LMO1: variants seen among roughly 807,000 people sequenced by gnomAD.
The protein encoded by LMO1 is LIM domain only 1.
LMO1 carries 10 observed loss-of-function variants against 18.0 expected under a neutral mutation model. The observed-to-expected ratio is 0.55, with a 90% confidence interval of 0.34 to 0.94. The LOEUF is 0.94. LMO1 is among the 40% of genes least tolerant of loss of function. The pLI, the probability that LMO1 is intolerant of heterozygous loss-of-function variation, is 0.02. For synonymous variants in LMO1, 77 were observed against 77.9 expected (o/e 0.99, Z 0.06); for missense variants, 183 against 205.7 (o/e 0.89, Z 0.68).
At chr11:8,235,907 CAT>C (rs1183953689) in intron 1 of LMO1, among the ~76,000 whole-genome samples, 1 of 152,246 alleles carries the variant, frequency 6.6e-6, no homozygotes, top group African/African-American at 2.4e-5. Context: ...CTCCTCAACA[CAT>C]GAGACAGGAT....
chr11:8,245,308 C>T (rs1465937807), intron 1 of LMO1, among the ~76,000 whole-genome samples: 6 of 152,136 alleles, frequency 3.9e-5, no homozygotes, highest in Admixed American at 3.9e-4. Context: ...CTCTGGTGAG[C>T]CTGGGTTCAA....
At chr11:8,258,356 C>T (rs1590563087) in intron 1 of LMO1, among the ~76,000 whole-genome samples, 1 of 152,320 alleles carries the variant, frequency 6.6e-6, no homozygotes, top group Non-Finnish European at 1.5e-5. Flanking sequence ...CTCTAGACCC[C>T]AACGTGGCTC....
At chr11:8,236,321 G>A (rs917021558) in intron 1 of LMO1, among the ~76,000 whole-genome samples, 3 of 151,738 alleles carry the variant, frequency 2.0e-5, no homozygotes, top group Non-Finnish European at 4.4e-5. Flanking sequence ...CTCCTGCATC[G>A]GTGGGACCAC....
Position 8,263,642 on chromosome 11 carries a change from G to C in LMO1, c.-280C>G. 1.5e-6 allele frequency: 2 copies of C among 1,336,874 alleles called. No individual in the cohort carries two copies. Among genetic ancestry groups the C allele is most frequent in the Non-Finnish European group, 1.9e-6 (2 of 1,048,284 alleles). 82.8% of individuals were successfully genotyped at this position (1,336,874 alleles called of 1,614,324 possible). A position where few individuals can be genotyped will look rare whatever the true frequency, so the allele number is the denominator to read the frequency against. On this transcript the variant is annotated 5_prime_UTR_variant, in exon 1 of 4. Transcript: ENST00000335790. ...GGAGAGGGAGAGAGAAGGGGGAAAA[G>C]AGGATCAGAGCCGTTTCTTTGATTC...
chr11:8,253,251 CA>C (rs1325971558), intron 1 of LMO1, among the ~76,000 whole-genome samples: 3 of 152,210 alleles, frequency 2.0e-5, no homozygotes, highest in Non-Finnish European at 4.4e-5. Context: ...CTGGGAACTC[CA>C]GGCCTGTCTG....
intron 1 of LMO1, among the ~76,000 whole-genome samples, chr11:8,250,621 C>A (rs781209907): frequency 2.6e-5 from 4 of 152,250 alleles, no homozygotes; most frequent in Non-Finnish European, 5.9e-5. Context: ...CAAGAAGATG[C>A]CTCACAGATG....
upstream of LMO1, among the ~76,000 whole-genome samples, chr11:8,266,751 C>T (rs373437908): frequency 7.9e-5 from 12 of 152,226 alleles, no homozygotes; most frequent in African/African-American, 2.9e-4. Context: ...GGGCCCAGGC[C>T]GACTAGATAT....
chr11:8,246,288 C>T (rs1013598682), intron 1 of LMO1, among the ~76,000 whole-genome samples: 1 of 152,124 alleles, frequency 6.6e-6, no homozygotes, highest in African/African-American at 2.4e-5. Context: ...CAGAAACAAC[C>T]CAAATGTCCA....
chr11:8,243,580 G>A (rs1354936366), intron 1 of LMO1, among the ~76,000 whole-genome samples: 1 of 152,218 alleles, frequency 6.6e-6, no homozygotes, highest in Non-Finnish European at 1.5e-5. Flanking sequence ...GGGCAAGCTG[G>A]TATGGCCGCA....
At chr11:8,264,720 C>T (rs1356370883), upstream of LMO1, among the ~76,000 whole-genome samples, 3 of 151,712 alleles carry the variant, frequency 2.0e-5, no homozygotes, top group South Asian at 2.1e-4. Flanking sequence ...CAAGCTCCGG[C>T]TCCCAGGTTC....
chr11:8,235,296 C>T (rs577368504), intron 1 of LMO1, among the ~76,000 whole-genome samples: 1 of 152,316 alleles, frequency 6.6e-6, no homozygotes, highest in South Asian at 2.1e-4. Flanking sequence ...TAACATTTTA[C>T]CACATTTGAT....
At chr11:8,246,887 C>A (rs1425781390) in intron 1 of LMO1, among the ~76,000 whole-genome samples, 2 of 152,168 alleles carry the variant, frequency 1.3e-5, no homozygotes, top group Non-Finnish European at 2.9e-5. Context: ...AGGCCCTGGT[C>A]ACCTCATCCC....
chr11:8,233,388 C>A (rs1183229219), intron 1 of LMO1, among the ~76,000 whole-genome samples: 3 of 152,154 alleles, frequency 2.0e-5, no homozygotes, highest in African/African-American at 7.2e-5. Flanking sequence ...CAGAGCATAT[C>A]CCCCTGGTCT....
chr11:8,264,965 T>A (rs1457039907), upstream of LMO1, among the ~76,000 whole-genome samples: 2 of 152,258 alleles, frequency 1.3e-5, no homozygotes, highest in African/African-American at 2.4e-5. Context: ...CAAGTCTTTT[T>A]TCTTTGCCTA....
At chr11:8,251,913 T>C (rs1395451386) in intron 1 of LMO1, among the ~76,000 whole-genome samples, 2 of 138,630 alleles carry the variant, frequency 1.4e-5, no homozygotes, top group Non-Finnish European at 3.1e-5. Flanking sequence ...GTGTGGTGGG[T>C]GTGTGGTGGG....
At chr11:8,241,321 C>A (rs758448972) in intron 1 of LMO1, among the ~76,000 whole-genome samples, 5 of 152,272 alleles carry the variant, frequency 3.3e-5, no homozygotes, top group Non-Finnish European at 5.9e-5. Context: ...TCTCTCGATG[C>A]ACTGCCAGCA....
intron 1 of LMO1, among the ~76,000 whole-genome samples, chr11:8,246,077 G>A (rs554822880): frequency 1.3e-5 from 2 of 152,218 alleles, no homozygotes; most frequent in South Asian, 4.2e-4. Flanking sequence ...CCATCCCCGT[G>A]ATCCAATCAC....
At chr11:8,255,056 C>T (rs1425217701) in intron 1 of LMO1, among the ~76,000 whole-genome samples, 1 of 152,208 alleles carries the variant, frequency 6.6e-6, no homozygotes, top group Non-Finnish European at 1.5e-5. Flanking sequence ...CACAGCCACA[C>T]CATTTGTTAT....
intron 1 of LMO1, among the ~76,000 whole-genome samples, chr11:8,260,036 G>A (rs1022084499): frequency 3.9e-5 from 6 of 152,112 alleles, no homozygotes; most frequent in African/African-American, 1.4e-4. Flanking sequence ...ACCCAGCCCT[G>A]CCCTTCTCCT....
Sources: gnomAD v4.1 joint callset for allele counts (sites outside exome capture counted in the v4.1 genomes callset) on GRCh38, gnomAD v4.1.1 for gene constraint, MANE v1.5 for transcripts, NCBI Gene and HGNC (gene_info 2026-07-23, HGNC 2026-07-21) for gene names.